Variants in ZZZ3 observed in about 807,000 individuals in gnomAD.
The protein encoded by ZZZ3 is zinc finger ZZ-type containing 3.
In ZZZ3, 22 loss-of-function variants were observed where a neutral mutation model predicts 95.2. The observed-to-expected ratio is 0.23, with a 90% CI of 0.17 to 0.33. ZZZ3 has a LOEUF of 0.33. Among genes scored for constraint, ZZZ3 ranks in the 10% least tolerant of loss-of-function variants. The pLI, the probability that ZZZ3 is intolerant of heterozygous loss-of-function variation, is 1.00. For missense variants in ZZZ3, 885 were observed against 1,066.5 expected, an observed-to-expected ratio of 0.83 and a Z score of 2.37; for synonymous variants, 335 against 358.9, an observed-to-expected ratio of 0.93 and a Z score of 0.75.
intron 5 of ZZZ3, among the ~76,000 whole-genome samples, chr1:77,599,289 C>A (rs1244427266): frequency 6.6e-6 from 1 of 151,744 alleles, no homozygotes; most frequent in African/African-American, 2.4e-5. Context: ...TTTTACAATT[C>A]TATTAATTTT....
intron 1 of ZZZ3, among the ~76,000 whole-genome samples, chr1:77,665,587 TTTTAAG>T (rs1671175988): frequency 1.3e-5 from 2 of 152,344 alleles, no homozygotes; most frequent in South Asian, 4.1e-4. Flanking sequence ...ACGCTTATGA[TTTTAAG>T]TTTAAAAGTG....
intron 5 of ZZZ3, among the ~76,000 whole-genome samples, chr1:77,630,083 A>G (rs1233236995): frequency 6.6e-6 from 1 of 152,216 alleles, no homozygotes; most frequent in Non-Finnish European, 1.5e-5. Context: ...GAACTAACAT[A>G]TATCATTTTA....
chr1:77,604,110 G>A (rs1157600521), intron 5 of ZZZ3, among the ~76,000 whole-genome samples: 1 of 152,140 alleles, frequency 6.6e-6, no homozygotes, highest in Non-Finnish European at 1.5e-5. Flanking sequence ...AAAGCTGCAG[G>A]CTGCTATGTC....
At position 77,571,673 on chromosome 1, in the gene ZZZ3, C is replaced by A. The variant is rs182567576; in HGVS notation, c.2332-3207G>T. ...AGACCATACGCTGGGTGAAACGAGC[C>A]AGTCACAAAAGGACAAATACTGTAT... On this transcript the variant is annotated intron_variant, in intron 12 of 14. Transcript: ENST00000370801. 2.9e-3 allele frequency among the ~76,000 whole-genome samples: 435 copies of A among 152,252 alleles called. 6 individuals are homozygous for A. Among genetic ancestry groups the A allele is most frequent in the Non-Finnish European group, 4.3e-3 (293 of 68,012 alleles).
chr1:77,575,208 G>C (rs764911770), intron 12 of ZZZ3, among the ~76,000 whole-genome samples: 88 of 152,078 alleles, frequency 5.8e-4, no homozygotes, highest in Non-Finnish European at 1.1e-3. Flanking sequence ...AGAAAAAAAA[G>C]GGAGAATTGA....
intron 12 of ZZZ3, among the ~76,000 whole-genome samples, 166 bp downstream of exon 12, chr1:77,575,902 T>C (rs912373173): frequency 2.6e-5 from 4 of 152,228 alleles, no homozygotes; most frequent in African/African-American, 9.6e-5. Flanking sequence ...CTATTCTATT[T>C]TTGTATATGT....
intron 1 of ZZZ3, among the ~76,000 whole-genome samples, chr1:77,662,655 G>A (rs981906398): frequency 2.0e-5 from 3 of 152,114 alleles, no homozygotes; most frequent in Non-Finnish European, 2.9e-5. Context: ...GCCGGACATG[G>A]TGGCTCAGGC....
intron 1 of ZZZ3, among the ~76,000 whole-genome samples, chr1:77,651,757 C>A (rs1470799039): frequency 6.6e-6 from 1 of 152,074 alleles, no homozygotes; most frequent in Non-Finnish European, 1.5e-5. Context: ...GTGGCTCAGG[C>A]CTATAATTCC....
chr1:77,640,221 C>T (rs1427648602), intron 3 of ZZZ3, among the ~76,000 whole-genome samples: 2 of 152,126 alleles, frequency 1.3e-5, no homozygotes, highest in African/African-American at 4.8e-5. Context: ...ATTAGCCAGA[C>T]AATTTAATTA....
rs766488665 is a variant in ZZZ3 at position 77,584,611 on chromosome 1, C to T, written c.1550G>A (p.Arg517His). 1.4e-5 allele frequency: 22 copies of T among 1,611,838 alleles called. No homozygotes were observed. The highest frequency in any genetic ancestry group is 6.7e-5 in the Admixed American group (4 of 59,566). ...LQTIAVLEAQRSQAVQDLESL... is the reference protein window; with the variant it reads ...LQTIAVLEAQHSQAVQDLESL... ...TTCAAGGTCTTGGACTGCTTGAGAA[C>T]GCTGAGCCTCGAGTACAGCAATCGT... Residue 517 changes from arginine to histidine, a missense_variant, in exon 6 of 15, where the codon CGT becomes CAT. Transcript: ENST00000370801.
chr1:77,634,936 A>G (rs1397335394), intron 4 of ZZZ3, among the ~76,000 whole-genome samples: 4 of 152,204 alleles, frequency 2.6e-5, no homozygotes, highest in African/African-American at 9.7e-5. Context: ...TTAGAGAAAG[A>G]GGCCAGTGGT....
intron 1 of ZZZ3, among the ~76,000 whole-genome samples, chr1:77,658,540 T>A (rs1670498459): frequency 6.6e-6 from 1 of 150,932 alleles, no homozygotes; most frequent in African/African-American, 2.4e-5. Flanking sequence ...TTCTTCTTCT[T>A]TTTAGTAGAG....
At chr1:77,603,072 A>G (rs769340379) in intron 5 of ZZZ3, among the ~76,000 whole-genome samples, 11 of 151,982 alleles carry the variant, frequency 7.2e-5, no homozygotes, top group Non-Finnish European at 1.2e-4. Flanking sequence ...TATTTCTTTA[A>G]GAACCTGTCA....
At chr1:77,609,333 G>A (rs981752657) in intron 5 of ZZZ3, among the ~76,000 whole-genome samples, 1 of 152,068 alleles carries the variant, frequency 6.6e-6, no homozygotes, top group African/African-American at 2.4e-5. Flanking sequence ...TCAGCAAGAG[G>A]ATATATCAAT....
At chr1:77,652,845 A>C (rs775586124) in intron 1 of ZZZ3, among the ~76,000 whole-genome samples, 2 of 152,206 alleles carry the variant, frequency 1.3e-5, no homozygotes, top group Non-Finnish European at 2.9e-5. Flanking sequence ...GAAAGAGGTC[A>C]GTCACAAATG....
At chr1:77,606,387 C>G (rs1665236754) in intron 5 of ZZZ3, among the ~76,000 whole-genome samples, 1 of 152,228 alleles carries the variant, frequency 6.6e-6, no homozygotes. Flanking sequence ...GATGGCATCT[C>G]TAGACCTCCC....
Position 77,632,502 on chromosome 1 carries a change from C to T in ZZZ3, c.853G>A (p.Ala285Thr). The T allele has an allele frequency of 6.2e-7, 1 of 1,614,150 alleles. No individual in the cohort carries two copies. Among genetic ancestry groups the T allele is most frequent in the Non-Finnish European group, 8.5e-7 (1 of 1,180,022 alleles). Reference protein sequence around the residue: ...VKLEDHKIVTACLPVEHVNQL... With the variant: ...VKLEDHKIVTTCLPVEHVNQL... Reference sequence around the variant, plus strand: ...TTAACATGTTCCACAGGCAAGCAGGCAGTTACTATTTTGTGGTCCTCCAAC... The same window carrying T: ...TTAACATGTTCCACAGGCAAGCAGGTAGTTACTATTTTGTGGTCCTCCAAC... The change falls in exon 5 of 15, where the codon GCC (alanine) becomes ACC (threonine). Residue 285 changes from alanine to threonine, a missense_variant. Physicochemically the swap from Ala to Thr is moderately conservative, Grantham distance 58. Transcript: ENST00000370801.
chr1:77,678,936 GTAA>G (rs772694907), intron 1 of ZZZ3, among the ~76,000 whole-genome samples: 5 of 152,080 alleles, frequency 3.3e-5, no homozygotes, highest in African/African-American at 4.8e-5. Flanking sequence ...CAAAACAACA[GTAA>G]TAATAATATC....
intron 1 of ZZZ3, among the ~76,000 whole-genome samples, chr1:77,682,281 G>T (rs1280522508): frequency 6.6e-6 from 1 of 152,166 alleles, no homozygotes; most frequent in South Asian, 2.1e-4. Flanking sequence ...GGCAAGAAGG[G>T]AAAAACTGAC....
Sources: gnomAD v4.1 joint callset for allele counts (sites outside exome capture counted in the v4.1 genomes callset) on GRCh38, gnomAD v4.1.1 for gene constraint, MANE v1.5 for transcripts, NCBI Gene and HGNC (gene_info 2026-07-23, HGNC 2026-07-21) for gene names.